Variants in TNRC6C observed in about 807,000 individuals in gnomAD.
TNRC6C encodes the protein trinucleotide repeat-containing gene 6C protein.
A neutral mutation model predicts 153.7 loss-of-function variants in TNRC6C; 20 were observed. The ratio of observed to expected loss-of-function variants is 0.13; its 90% CI spans 0.09 to 0.19. The LOEUF (loss-of-function observed/expected upper bound fraction) is 0.19. Among genes scored for constraint, TNRC6C ranks in the 10% least tolerant of loss-of-function variants. TNRC6C has a pLI of 1.00. For synonymous variants in TNRC6C, 811 were observed against 841.4 expected (o/e 0.96, Z 0.63); for missense variants, 1,987 against 2,172.0 (o/e 0.91, Z 1.69).
rs777437744 is a variant in TNRC6C at position 78,051,383 on chromosome 17, G to C, written c.2321G>C (p.Arg774Thr). 4.0e-5 allele frequency: 62 copies of C among 1,550,376 alleles called. No homozygotes were observed. The highest frequency in any genetic ancestry group is 4.8e-5 in the Non-Finnish European group (55 of 1,146,674). ...ACTACCACGAGCAACACCACACACA[G>C]GGTCGAGACGCCGCCCCCGCACCAG... Residue 774 changes from arginine to threonine, a missense_variant, in exon 3 of 20, where the codon AGG becomes ACG. This residue lies in a region of TNRC6C where 1,052 missense variants were observed against 1,017.0 expected (regional missense o/e 1.03). Coordinates refer to ENST00000301624, the Ensembl canonical transcript of TNRC6C.
chr17:78,000,663 A>G (rs969153035), upstream of TNRC6C, among the ~76,000 whole-genome samples: 6 of 116,654 alleles, frequency 5.1e-5, no homozygotes, highest in African/African-American at 3.3e-5. Context: ...TATTTTGATG[A>G]CATGGCATTG....
intron 1 of TNRC6C, among the ~76,000 whole-genome samples, chr17:77,975,859 G>T (rs1349705073): frequency 6.6e-6 from 1 of 152,152 alleles, no homozygotes; most frequent in Admixed American, 6.5e-5. Context: ...CCTATAAATT[G>T]AATAAATGCA....
intron 1 of TNRC6C, among the ~76,000 whole-genome samples, chr17:77,994,094 G>A (rs549068533): frequency 2.6e-5 from 4 of 152,318 alleles, no homozygotes; most frequent in Non-Finnish European, 2.9e-5. Flanking sequence ...TCAGGAAGCT[G>A]AGGCAGGAGA....
intron 7 of TNRC6C, among the ~76,000 whole-genome samples, chr17:78,073,327 A>G (rs1598758860): frequency 6.6e-6 from 1 of 152,172 alleles, no homozygotes; most frequent in East Asian, 1.9e-4. Context: ...GGCTTTTCTC[A>G]TATTTTCCCG....
chr17:78,076,548 A>C (rs1011514856), intron 8 of TNRC6C, among the ~76,000 whole-genome samples: 3 of 152,262 alleles, frequency 2.0e-5, no homozygotes, highest in Middle Eastern at 3.2e-3. Context: ...ATTCCAATGT[A>C]ACTCAGCATC....
exon 4 of TNRC6C, chr17:78,064,743 T>C (rs2072838686): frequency 6.2e-7 from 1 of 1,613,514 alleles, no homozygotes; most frequent in African/African-American, 1.3e-5. Context: ...TGGGGAGAAA[T>C]GCCTAATGTT....
chr17:78,105,156 C>A (rs2073669989), exon 20 of TNRC6C: 2 of 277,542 alleles, frequency 7.2e-6, no homozygotes, highest in Admixed American at 5.4e-5. Context: ...TAGAATAGTT[C>A]TATCATGAAG....
In TNRC6C at chr17:78,028,021, G is replaced by A. The variant is rs565704813; in HGVS notation, c.-545-3495G>A. On this transcript the variant is annotated intron_variant, in intron 1 of 19. Transcript: ENST00000301624. ...CGCCATTCTCCTGCCTCAGCCTCCC[G>A]AGTAGCTGGGACTGCAGGCGCCCGC... Among the ~76,000 whole-genome samples, 22 of 150,416 alleles carry A rather than the reference G, an allele frequency of 1.5e-4. 1 individual carries two copies. In the South Asian group the frequency reaches 4.5e-3, roughly 31 times the overall value.
chr17:78,029,034 C>T (rs900764123), intron 1 of TNRC6C, among the ~76,000 whole-genome samples: 1 of 152,186 alleles, frequency 6.6e-6, no homozygotes, highest in East Asian at 1.9e-4. Context: ...CTCTTCTGCT[C>T]CTTTTTTAAA....
chr17:78,009,924 C>G (rs533657590), intron 1 of TNRC6C, among the ~76,000 whole-genome samples: 1 of 151,890 alleles, frequency 6.6e-6, no homozygotes, highest in African/African-American at 2.4e-5. Flanking sequence ...AACTCTGTTG[C>G]CCAGGCTGGA....
intron 3 of TNRC6C, among the ~76,000 whole-genome samples, chr17:78,052,837 G>A (rs558812635): frequency 2.6e-5 from 4 of 152,278 alleles, no homozygotes; most frequent in South Asian, 2.1e-4. Flanking sequence ...TCCAGCTAAC[G>A]CATCAGTGTC....
intron 13 of TNRC6C, among the ~76,000 whole-genome samples, chr17:78,087,793 A>G (rs2144515116): frequency 6.6e-6 from 1 of 152,322 alleles, no homozygotes; most frequent in East Asian, 1.9e-4. Context: ...TTGTAGAAGC[A>G]CACTCAGCAC....
In TNRC6C at chr17:78,102,904, G is replaced by A. The variant is rs531790829; in HGVS notation, c.4572+360G>A. The A allele has an allele frequency of 6.4e-5, 16 of 249,478 alleles. No homozygotes were observed. The East Asian group carries it at 1.7e-3, about 27-fold the overall frequency. 15.5% of individuals were successfully genotyped at this position (249,478 alleles called of 1,614,324 possible). A position where few individuals can be genotyped will look rare whatever the true frequency, so the allele number is the denominator to read the frequency against. ...TGTAATCCCAGCACTTTGGGAGGCC[G>A]AGGCCAGGGATCACCTGAGCCCAAG... On this transcript the variant is annotated intron_variant, in intron 18 of 19. Coordinates refer to ENST00000301624, the Ensembl canonical transcript of TNRC6C.
intron 1 of TNRC6C, chr17:78,008,894 T>A (rs2071571173): frequency 6.6e-6 from 1 of 152,146 alleles, no homozygotes; most frequent in South Asian, 2.1e-4. Context: ...TAAATATATA[T>A]TTATATGGAC....
At chr17:78,058,659 A>C (rs1185639815) in intron 3 of TNRC6C, among the ~76,000 whole-genome samples, 1 of 152,208 alleles carries the variant, frequency 6.6e-6, no homozygotes, top group Non-Finnish European at 1.5e-5. Context: ...CAATCAGAAA[A>C]CTGGCAGGCA....
rs748706744 is a variant in TNRC6C at position 78,087,092 on chromosome 17, C to T, written c.3801C>T (p.Leu1267=). The T allele has an allele frequency of 8.1e-6, 13 of 1,612,960 alleles. No homozygotes were observed. The Admixed American group carries it at 1.3e-4, about 17-fold the overall frequency. The stretch of plus-strand genomic sequence containing the variant: ...CCAACACCTTTGCTCCTTACCCTCT[C>T]GGTGAGTGTCCCATGGTCTTCAACA... Residue 1267 remains leucine (L), a splice_region_variant and synonymous_variant, in exon 13 of 20, where the codon CTC becomes CTT. Transcript: ENST00000301624.
chr17:78,090,131 T>C (rs1286071875), intron 13 of TNRC6C, among the ~76,000 whole-genome samples: 9 of 152,278 alleles, frequency 5.9e-5, no homozygotes, highest in African/African-American at 1.9e-4. Flanking sequence ...GTCTGCGAAG[T>C]GTGTGTGTGC....
intron 16 of TNRC6C, among the ~76,000 whole-genome samples, chr17:78,094,563 C>T (rs996933335): frequency 6.6e-6 from 1 of 151,964 alleles, no homozygotes; most frequent in Non-Finnish European, 1.5e-5. Context: ...CTCAGCCTCC[C>T]GATTAGCTGG....
At chr17:78,031,738 C>G (rs2072078795) in exon 2 of TNRC6C, 1 of 1,232,188 alleles carries the variant, frequency 8.1e-7, no homozygotes, top group African/African-American at 1.6e-5. Context: ...CCTACGGGGA[C>G]TCTAACCAGT....
Sources: allele counts gnomAD v4.1 joint callset (sites outside exome capture counted in the v4.1 genomes callset), GRCh38; gene constraint gnomAD v4.1.1; regional missense constraint gnomAD v4.1.1; transcripts MANE v1.5; gene names NCBI Gene and HGNC (gene_info 2026-07-23, HGNC 2026-07-21).